Variants in TACC2 observed in about 807,000 individuals in gnomAD.
The protein encoded by TACC2 is transforming acidic coiled-coil containing protein 2.
TACC2 carries 137 observed loss-of-function variants against 227.3 expected under a neutral mutation model. That is an observed-to-expected ratio of 0.60 (90% confidence interval 0.52 to 0.69). The LOEUF (loss-of-function observed/expected upper bound fraction) is 0.69. Among genes scored for constraint, TACC2 ranks in the 30% least tolerant of loss-of-function variants. The probability of loss-of-function intolerance (pLI) is 0.00; values close to 1 mark genes in which losing one functional copy is unlikely to be tolerated. For missense variants in TACC2, 3,470 were observed against 3,694.4 expected, an observed-to-expected ratio of 0.94 and a Z score of 1.57; for synonymous variants, 1,523 against 1,487.5, an observed-to-expected ratio of 1.02 and a Z score of -0.55.
chr10:122,114,994 G>A (rs987559902), intron 5 of TACC2, among the ~76,000 whole-genome samples: 1 of 152,240 alleles, frequency 6.6e-6, no homozygotes, highest in African/African-American at 2.4e-5. Flanking sequence ...AAGAAGTCCA[G>A]GGTCTTGGCC....
At chr10:122,176,073 T>TC (rs1205444062) in intron 7 of TACC2, among the ~76,000 whole-genome samples, 2 of 92,772 alleles carry the variant, frequency 2.2e-5, no homozygotes, top group Non-Finnish European at 4.4e-5. Context: ...GAGCAAAACC[T>TC]TCTCTCTCTC....
At position 122,085,653 on chromosome 10, in the gene TACC2, A is replaced by G; in HGVS notation, c.3153A>G (p.Val1051=). The G allele has an allele frequency of 6.2e-7, 1 of 1,613,548 alleles. No homozygotes were observed. The highest frequency in any genetic ancestry group is 8.5e-7 in the Non-Finnish European group (1 of 1,180,028). ...CCCCACCTTGTCAGCCTGACTCAGT[A>G]GCTCTCCTGGATGCAGTTCCCTGCC... is the stretch of plus-strand genomic sequence containing the variant. ...GEAPPCQPDS[V]ALLDAVPCLP... Residue 1051 remains valine, a synonymous_variant, in exon 4 of 23, where the codon GTA becomes GTG. Coordinates refer to ENST00000369005, the MANE Select transcript of TACC2 (RefSeq NM_206862.4).
chr10:122,069,666 T>G (rs2077811229), intron 3 of TACC2, among the ~76,000 whole-genome samples: 1 of 152,198 alleles, frequency 6.6e-6, no homozygotes, highest in Admixed American at 6.5e-5. Flanking sequence ...TTTTCCAACC[T>G]AGGCTCTCTG....
chr10:122,219,030 A>AAAAAAG lies in TACC2; in HGVS notation c.7546+2207_7546+2212dup, dbSNP rs151086064. ...GTGAGACTCGTCTCAAAAAAAAAAAAAAAAAGAAAAGTGACCATCTTGCTC... is the reference window on the plus strand; with the variant it reads ...GTGAGACTCGTCTCAAAAAAAAAAAAAAAAAGAAAAAGAAAAGTGACCATCTTGCTC... On this transcript the variant is annotated intron_variant, in intron 11 of 22. Transcript: ENST00000369005. 1.5e-3 allele frequency among the ~76,000 whole-genome samples: 212 copies of AAAAAAG among 143,880 alleles called. 10 individuals carry two copies. Among genetic ancestry groups the AAAAAAG allele is most frequent in the East Asian group, 0.012 (56 of 4,742 alleles). 94.4% of individuals were successfully genotyped at this position (143,880 alleles called of 152,430 possible).
At chr10:122,074,473 G>A (rs1303612561) in intron 3 of TACC2, among the ~76,000 whole-genome samples, 3 of 152,062 alleles carry the variant, frequency 2.0e-5, no homozygotes, top group Non-Finnish European at 4.4e-5. Flanking sequence ...AACTATGGAG[G>A]GCATTTCCTA....
chr10:122,099,873 T>C (rs1268226954), intron 5 of TACC2, among the ~76,000 whole-genome samples: 2 of 152,260 alleles, frequency 1.3e-5, no homozygotes, highest in African/African-American at 4.8e-5. Flanking sequence ...GTGTTGTGTA[T>C]ACCTCTCATT....
intron 3 of TACC2, among the ~76,000 whole-genome samples, chr10:122,059,068 TGTTGTTG>T (rs1565180708): frequency 7.3e-6 from 1 of 136,616 alleles, no homozygotes; most frequent in African/African-American, 2.7e-5. Context: ...AATTTGTTGT[TGTTGTTG>T]TTGTTGTTGT....
At chr10:122,074,430 G>A (rs888850312) in intron 3 of TACC2, among the ~76,000 whole-genome samples, 6 of 152,136 alleles carry the variant, frequency 3.9e-5, no homozygotes, top group African/African-American at 1.4e-4. Flanking sequence ...GAAGCACTGA[G>A]TTTGGTTTTT....
chr10:122,101,582 C>T (rs1327174997), intron 5 of TACC2, among the ~76,000 whole-genome samples: 2 of 99,430 alleles, frequency 2.0e-5, no homozygotes, highest in Admixed American at 1.5e-4. Context: ...TTTTTTGAGA[C>T]AGAATCTTGC....
intron 1 of TACC2, among the ~76,000 whole-genome samples, chr10:121,993,104 G>GGCCTT (rs1953103289): frequency 6.6e-6 from 1 of 152,128 alleles, no homozygotes; most frequent in Non-Finnish European, 1.5e-5. Context: ...AGGATCCCTT[G>GGCCTT]AGCCAAGAGT....
chr10:122,061,285 C>CAAAAAA (rs58324245), intron 3 of TACC2, among the ~76,000 whole-genome samples: 1 of 87,086 alleles, frequency 1.1e-5, no homozygotes, highest in African/African-American at 4.5e-5. Context: ...CACTCCGTCT[C>CAAAAAA]AAAAAAAAAA....
At chr10:122,040,018 C>T (rs1195879059) in intron 2 of TACC2, among the ~76,000 whole-genome samples, 2 of 152,118 alleles carry the variant, frequency 1.3e-5, no homozygotes, top group Non-Finnish European at 2.9e-5. Context: ...CAAGCTGAGT[C>T]CTAGTTGTTA....
chr10:122,001,323 A>G (rs1954299455), intron 1 of TACC2, among the ~76,000 whole-genome samples: 2 of 152,240 alleles, frequency 1.3e-5, no homozygotes, highest in Admixed American at 1.3e-4. Context: ...AATGAGGAGC[A>G]AGGTTATGTC....
rs1296702291 is a variant in TACC2, at chr10:122,073,062, A to G, written c.147-9585A>G. Among the ~76,000 whole-genome samples the G allele has an allele frequency of 3.4e-5, 5 of 146,598 alleles. No individual in the cohort carries two copies. The East Asian group carries it at 6.1e-4, about 18-fold the overall frequency. Reference sequence around the variant, plus strand: ...CAGGAGGCGGAGCTTGCAGTGAGCCAAGATCACGCCATTGGACTCCAGCCT... The same window carrying G: ...CAGGAGGCGGAGCTTGCAGTGAGCCGAGATCACGCCATTGGACTCCAGCCT... On this transcript the variant is annotated intron_variant, in intron 3 of 22. Coordinates refer to ENST00000369005, the MANE Select transcript of TACC2 (RefSeq NM_206862.4).
At chr10:122,147,133 G>A (rs2091471752) in intron 7 of TACC2, among the ~76,000 whole-genome samples, 1 of 151,732 alleles carries the variant, frequency 6.6e-6, no homozygotes, top group South Asian at 2.1e-4. Context: ...TTTGTTGACT[G>A]TCTCCACTGT....
chr10:122,120,238 C>A (rs2085475113), intron 5 of TACC2, among the ~76,000 whole-genome samples: 1 of 152,196 alleles, frequency 6.6e-6, no homozygotes, highest in South Asian at 2.1e-4. Flanking sequence ...TGCCCTGCTC[C>A]CCCGCCTGGC....
chr10:122,050,491 G>A lies in TACC2; in HGVS notation c.87G>A (p.Gln29=). 5 of 1,614,100 alleles carry A rather than the reference G, an allele frequency of 3.1e-6. No homozygotes were observed. The highest frequency in any genetic ancestry group is 4.2e-6 in the Non-Finnish European group (5 of 1,180,024). The change falls in exon 3 of 23, where the codon CAG becomes CAA. Residue 29 remains glutamine, a synonymous_variant. Coordinates refer to ENST00000369005, the MANE Select transcript of TACC2 (RefSeq NM_206862.4). The surrounding 1 kb of genome is among the most constrained non-coding windows in gnomAD (Gnocchi z 4.6). ...CCGCGCAGCCACCCGGGAACAGTCA[G>A]AATATAAAAAGGAAGCAGCAGGACA... ...PRSAQPPGNS[Q]NIKRKQQDTP... is the part of the protein sequence containing the mutation.
At position 122,086,968 on chromosome 10, in the gene TACC2, C is replaced by A. The variant is rs765823262; in HGVS notation, c.4468C>A (p.Gln1490Lys). The A allele has an allele frequency of 6.2e-7, 1 of 1,613,982 alleles. No individual in the cohort carries two copies. Among genetic ancestry groups the A allele is most frequent in the Non-Finnish European group, 8.5e-7 (1 of 1,180,048 alleles). The change falls in exon 4 of 23, where the codon CAA (glutamine) becomes AAA (lysine). Residue 1490 changes from glutamine (Q) to lysine (K), a missense_variant. Gln to Lys is a moderately conservative substitution (Grantham distance 53). Around this residue, in one of 10 missense-constraint regions of TACC2, gnomAD observed 1,924 missense variants for 1,978.3 expected, o/e 0.97. Coordinates refer to ENST00000369005, the MANE Select transcript of TACC2 (RefSeq NM_206862.4). ...GGCTGAGATTTCCCATCTGGCTCTG[C>A]AAGATCCAGCTTCAGACAAGCTTCT... ...GEAEISHLAL[Q>K]DPASDKLLGP...
At chr10:122,225,851 G>C (rs572390748) in intron 12 of TACC2, among the ~76,000 whole-genome samples, 6 of 152,296 alleles carry the variant, frequency 3.9e-5, no homozygotes, top group African/African-American at 1.4e-4. Context: ...CTTATTTGGG[G>C]ACCCCAGCAG....
Sources: gnomAD v4.1 joint callset for allele counts (sites outside exome capture counted in the v4.1 genomes callset) on GRCh38, gnomAD v4.1.1 for gene constraint, gnomAD v4.1.1 regional missense constraint, Gnocchi (gnomAD v3.1) non-coding constraint, MANE v1.5 for transcripts, NCBI Gene and HGNC (gene_info 2026-07-23, HGNC 2026-07-21) for gene names.